The following UBXN8 variants were observed in gnomAD, a reference collection of about 807,000 sequenced individuals.
UBXN8 encodes UBX domain protein 8.
Under a neutral mutation model 32.1 loss-of-function variants are expected in UBXN8, and 27 were observed. The ratio of observed to expected loss-of-function variants is 0.84; its 90% CI spans 0.62 to 1.16. The LOEUF is 1.16. Ranked by LOEUF, UBXN8 falls within the 50% of genes most tolerant of loss-of-function variation. The pLI is 0.00. For missense variants in UBXN8, 306 were observed against 311.4 expected (o/e 0.98, Z 0.13); for synonymous variants, 109 against 111.8 (o/e 0.98, Z 0.16).
At chr8:30,748,978 G>A (rs1397875226) in intron 1 of UBXN8, among the ~76,000 whole-genome samples, 1 of 152,210 alleles carries the variant, frequency 6.6e-6, no homozygotes, top group Non-Finnish European at 1.5e-5. Flanking sequence ...AAAATTCCAA[G>A]AGGATGGAAA....
At chr8:30,744,090 C>A, upstream of UBXN8, 1 of 1,047,396 alleles carries the variant, frequency 9.5e-7, no homozygotes, top group Non-Finnish European at 1.4e-6. Context: ...GTTATTGACC[C>A]TCTCCCAGCC....
At chr8:30,730,951 C>G (rs190264348), upstream of UBXN8, among the ~76,000 whole-genome samples, 4 of 152,328 alleles carry the variant, frequency 2.6e-5, no homozygotes, top group East Asian at 1.9e-4. Context: ...AGAGAATGAA[C>G]GTCAGGCCCG....
In UBXN8 at chr8:30,760,938, AT is replaced by A; in HGVS notation, c.570+14del. 6.6e-7 allele frequency: 1 copy of A among 1,509,502 alleles called. No homozygotes were observed. 93.5% of individuals were successfully genotyped at this position (1,509,502 alleles called of 1,614,324 possible). Reference sequence around the variant, plus strand: ...CTCAAACAGCAGAAGAAGTAAGTCTATTTTTCTCTTCGAAAATTAAACTTAT... The same window carrying A: ...CTCAAACAGCAGAAGAAGTAAGTCTATTTTCTCTTCGAAAATTAAACTTAT... On this transcript the variant is annotated intron_variant, in intron 6 of 7. Coordinates refer to ENST00000265616, the MANE Select transcript of UBXN8 (RefSeq NM_005671.4).
chr8:30,754,467 CA>C, intron 3 of UBXN8, 197 bp from the exon 4 acceptor site: 2 of 667,984 alleles, frequency 3.0e-6, no homozygotes, highest in Non-Finnish European at 2.7e-6. Context: ...TCAGGCAGGT[CA>C]AAAACAAATG....
intron 6 of UBXN8, among the ~76,000 whole-genome samples, chr8:30,761,606 A>C (rs1805833507): frequency 6.6e-6 from 1 of 152,130 alleles, no homozygotes; most frequent in Non-Finnish European, 1.5e-5. Flanking sequence ...AACAGAATCA[A>C]AATAGGCATA....
chr8:30,765,766 G>A (rs575160264), intron 7 of UBXN8, among the ~76,000 whole-genome samples: 31 of 152,076 alleles, frequency 2.0e-4, no homozygotes, highest in Middle Eastern at 3.4e-3. Flanking sequence ...CCAGCACTTC[G>A]GGAGGCCCAG....
At chr8:30,745,299 G>A (rs1032996335) in intron 1 of UBXN8, among the ~76,000 whole-genome samples, 2 of 152,202 alleles carry the variant, frequency 1.3e-5, no homozygotes, top group African/African-American at 2.4e-5. Flanking sequence ...AGGATTCAAG[G>A]ACGACTGCCT....
upstream of UBXN8, among the ~76,000 whole-genome samples, chr8:30,731,716 G>A (rs1048260509): frequency 3.3e-5 from 5 of 152,116 alleles, no homozygotes; most frequent in Admixed American, 6.6e-5. Context: ...CGAAGCCCCC[G>A]TACTTATAGA....
At chr8:30,764,324 C>T (rs1805939698) in intron 7 of UBXN8, among the ~76,000 whole-genome samples, 1 of 152,186 alleles carries the variant, frequency 6.6e-6, no homozygotes, top group South Asian at 2.1e-4. Flanking sequence ...GCACACACCA[C>T]CGTTCCTGGC....
chr8:30,753,313 G>A (rs1278076546), intron 3 of UBXN8, among the ~76,000 whole-genome samples: 1 of 152,148 alleles, frequency 6.6e-6, no homozygotes, highest in African/African-American at 2.4e-5. Context: ...CTGGAATGCA[G>A]TGGCGAAATC....
At chr8:30,744,017 A>G (rs1563557582), upstream of UBXN8, 10 of 640,512 alleles carry the variant, frequency 1.6e-5, no homozygotes, top group Middle Eastern at 4.2e-4. Context: ...GCTACAGACT[A>G]TAACTTTAAA....
intron 1 of UBXN8, among the ~76,000 whole-genome samples, chr8:30,747,137 G>A (rs533217952): frequency 7.2e-6 from 1 of 138,898 alleles, no homozygotes; most frequent in East Asian, 2.1e-4. Flanking sequence ...CCTGGCAACA[G>A]AGTGAGATTC....
At chr8:30,729,287 A>G (rs534754970), upstream of UBXN8, among the ~76,000 whole-genome samples, 30 of 152,338 alleles carry the variant, frequency 2.0e-4, no homozygotes, top group African/African-American at 7.0e-4. Flanking sequence ...TGGAGTATCA[A>G]CGCAGTGGCT....
rs1586110155 is a variant in UBXN8 at position 30,766,218 on chromosome 8, A to G, written c.646-9A>G. 2 of 1,606,404 alleles carry G rather than the reference A, an allele frequency of 1.2e-6. No homozygotes were observed. Among genetic ancestry groups the G allele is most frequent in the East Asian group, 2.2e-5 (1 of 44,632 alleles). Reference sequence around the variant, plus strand: ...TGATAATGACTAAGCCAAGCTTTTCATCTTCTAGGTCTTATTTGACTGGAT... The same window carrying G: ...TGATAATGACTAAGCCAAGCTTTTCGTCTTCTAGGTCTTATTTGACTGGAT... On this transcript the variant is annotated splice_polypyrimidine_tract_variant and intron_variant, in intron 7 of 7. Transcript: ENST00000265616.
At chr8:30,741,041 A>C (rs1308022163), upstream of UBXN8, among the ~76,000 whole-genome samples, 1 of 152,154 alleles carries the variant, frequency 6.6e-6, no homozygotes, top group African/African-American at 2.4e-5. Flanking sequence ...GTCTCAAACT[A>C]TTCTACCATG....
At chr8:30,763,674 T>C (rs980388401) in intron 7 of UBXN8, among the ~76,000 whole-genome samples, 2 of 152,174 alleles carry the variant, frequency 1.3e-5, no homozygotes, top group East Asian at 1.9e-4. Context: ...CTATTAACTT[T>C]AGACTTTTTT....
upstream of UBXN8, among the ~76,000 whole-genome samples, chr8:30,741,103 C>T (rs73583340): frequency 3.3e-5 from 5 of 151,938 alleles, no homozygotes; most frequent in Non-Finnish European, 5.9e-5. Context: ...CACCTTAAAC[C>T]ACTCTAACTA....
chr8:30,734,487 G>A (rs1805033303), intron 1 of UBXN8, among the ~76,000 whole-genome samples: 1 of 151,980 alleles, frequency 6.6e-6, no homozygotes, highest in Admixed American at 6.6e-5. Context: ...GGGTGTGGTG[G>A]GATACACCTG....
chr8:30,729,857 G>C (rs1415877976), upstream of UBXN8, among the ~76,000 whole-genome samples: 7 of 152,202 alleles, frequency 4.6e-5, no homozygotes, highest in Admixed American at 4.6e-4. Context: ...ACTCAGACCA[G>C]TTTCCATACA....
Sources: gnomAD v4.1 joint callset for allele counts (sites outside exome capture counted in the v4.1 genomes callset) on GRCh38, gnomAD v4.1.1 for gene constraint, MANE v1.5 for transcripts, NCBI Gene and HGNC (gene_info 2026-07-23, HGNC 2026-07-21) for gene names.